GBX1: variants seen among roughly 807,000 people sequenced by gnomAD.
GBX1 encodes gastrulation brain homeobox 1.
In GBX1, 9 loss-of-function variants were observed where a neutral mutation model predicts 22.9. That is an observed-to-expected ratio of 0.39 (90% CI 0.24 to 0.69). The LOEUF is 0.69. Ranked by LOEUF, GBX1 falls within the 30% of genes least tolerant of loss-of-function variation. The pLI is 0.43. For synonymous variants in GBX1, 203 were observed against 227.3 expected (o/e 0.89, Z 0.96); for missense variants, 494 against 509.2 (o/e 0.97, Z 0.29).
chr7:151,157,552 C>A (rs1165943135), intron 1 of GBX1, among the ~76,000 whole-genome samples: 1 of 152,176 alleles, frequency 6.6e-6, no homozygotes, highest in African/African-American at 2.4e-5. Flanking sequence ...GATTTCCTTT[C>A]AGTATTTCTT....
At chr7:151,159,676 C>A (rs910898799) in intron 1 of GBX1, among the ~76,000 whole-genome samples, 2 of 152,092 alleles carry the variant, frequency 1.3e-5, no homozygotes, top group African/African-American at 4.8e-5. Context: ...CATACTAGGA[C>A]GAGACTGAAT....
chr7:151,153,602 CAGTAG>C (rs1801103017), intron 1 of GBX1, among the ~76,000 whole-genome samples: 2 of 151,350 alleles, frequency 1.3e-5, no homozygotes, highest in Admixed American at 1.3e-4. Context: ...GACTGGAATG[CAGTAG>C]AGTAATCATA....
At chr7:151,153,362 G>A (rs896551990) in intron 1 of GBX1, among the ~76,000 whole-genome samples, 3 of 152,190 alleles carry the variant, frequency 2.0e-5, no homozygotes, top group Non-Finnish European at 4.4e-5. Context: ...GGCAGAGAAA[G>A]AGAATGAGCA....
chr7:151,153,214 T>G (rs947292175), intron 1 of GBX1, among the ~76,000 whole-genome samples: 1 of 152,220 alleles, frequency 6.6e-6, no homozygotes, highest in African/African-American at 2.4e-5. Context: ...CAAAAGGTAC[T>G]TTTTAAGAAA....
At chr7:151,159,987 A>C (rs1238333889) in intron 1 of GBX1, among the ~76,000 whole-genome samples, 3 of 152,164 alleles carry the variant, frequency 2.0e-5, no homozygotes, top group African/African-American at 4.8e-5. Context: ...CTCAAGATGC[A>C]TGCATCTTAC....
At chr7:151,150,000 A>C (rs1220137140) in intron 1 of GBX1, 2 of 455,332 alleles carry the variant, frequency 4.4e-6, no homozygotes, top group Non-Finnish European at 8.8e-6. Context: ...GAGGCCCCTA[A>C]GCTTGATGTC....
intron 1 of GBX1, among the ~76,000 whole-genome samples, chr7:151,166,181 CTCTA>C (rs1801247671): frequency 6.6e-6 from 1 of 152,142 alleles, no homozygotes; most frequent in Non-Finnish European, 1.5e-5. Flanking sequence ...ATTGAATGGA[CTCTA>C]AACAAGGTTC....
At chr7:151,155,445 C>A (rs1418538297) in intron 1 of GBX1, among the ~76,000 whole-genome samples, 1 of 152,202 alleles carries the variant, frequency 6.6e-6, no homozygotes, top group Admixed American at 6.5e-5. Context: ...AGTTCACTCT[C>A]AGTTTATTTT....
At chr7:151,164,235 T>C (rs1801225059) in intron 1 of GBX1, among the ~76,000 whole-genome samples, 1 of 152,254 alleles carries the variant, frequency 6.6e-6, no homozygotes, top group South Asian at 2.1e-4. Context: ...TTTTAAAGAT[T>C]GCATTATTTC....
rs534636208 is a variant in GBX1, at chr7:151,155,794, T to C, written c.539-6652A>G. On this transcript the variant is annotated intron_variant, in intron 1 of 1. Coordinates refer to ENST00000297537, the MANE Select transcript of GBX1 (RefSeq NM_001098834.3). ...CATTTACTATCTTATCTTCAAGCAG[T>C]TGACTGACGTAGAGCAGATCTATTA... Among the ~76,000 whole-genome samples, 19 of 152,272 alleles carry C rather than the reference T, an allele frequency of 1.2e-4. No homozygotes were observed. In the South Asian group the frequency reaches 3.7e-3, roughly 30 times the overall value.
At chr7:151,165,842 TAATC>T (rs2150551446) in intron 1 of GBX1, among the ~76,000 whole-genome samples, 1 of 152,318 alleles carries the variant, frequency 6.6e-6, no homozygotes, top group Admixed American at 6.5e-5. Context: ...CCATAACTGA[TAATC>T]AAGAATTATC....
intron 1 of GBX1, 92 bp downstream of exon 1, chr7:151,166,919 G>A: frequency 2.3e-6 from 3 of 1,283,924 alleles, no homozygotes; most frequent in South Asian, 2.5e-5. Flanking sequence ...GCTCCAGGCA[G>A]GTGCCGAGGT....
chr7:151,161,260 T>C (rs576975577), intron 1 of GBX1, among the ~76,000 whole-genome samples: 1 of 152,300 alleles, frequency 6.6e-6, no homozygotes. Flanking sequence ...TGCCTGCCAC[T>C]CCAAGTATAA....
chr7:151,151,758 A>G (rs1027703873), intron 1 of GBX1, among the ~76,000 whole-genome samples: 1 of 152,132 alleles, frequency 6.6e-6, no homozygotes, highest in Non-Finnish European at 1.5e-5. Context: ...CAACTAGTCC[A>G]CATCACAATT....
chr7:151,151,860 G>A (rs1801083668), intron 1 of GBX1, among the ~76,000 whole-genome samples: 1 of 151,994 alleles, frequency 6.6e-6, no homozygotes, highest in African/African-American at 2.4e-5. Context: ...TTTCTGTCTG[G>A]AATACACTAC....
At position 151,154,166 on chromosome 7, in the gene GBX1, G is replaced by A. The variant is rs527365617; in HGVS notation, c.539-5024C>T. On this transcript the variant is annotated intron_variant, in intron 1 of 1. Coordinates refer to ENST00000297537, the MANE Select transcript of GBX1 (RefSeq NM_001098834.3). Reference sequence around the variant, plus strand: ...GGCAGGATTGCAGTGAGCAGAGAGCGCGCCACTGCACTCCAGCCTGGGCGA... The same window carrying A: ...GGCAGGATTGCAGTGAGCAGAGAGCACGCCACTGCACTCCAGCCTGGGCGA... Among the ~76,000 whole-genome samples the A allele has an allele frequency of 6.6e-5, 10 of 152,074 alleles. No homozygotes were observed. In the South Asian group the frequency reaches 1.0e-3, roughly 16 times the overall value.
intron 1 of GBX1, among the ~76,000 whole-genome samples, chr7:151,156,520 T>C (rs1801137444): frequency 6.6e-6 from 1 of 151,118 alleles, no homozygotes; most frequent in Non-Finnish European, 1.5e-5. Flanking sequence ...TCAGAGAAGA[T>C]TCTTAAAATT....
chr7:151,149,450 C>T (rs1219119867), intron 1 of GBX1, among the ~76,000 whole-genome samples: 1 of 151,654 alleles, frequency 6.6e-6, no homozygotes, highest in Non-Finnish European at 1.5e-5. Context: ...TTCCCCACCA[C>T]CCCCATCTCA....
intron 1 of GBX1, among the ~76,000 whole-genome samples, chr7:151,159,588 C>A (rs1013523034): frequency 2.6e-5 from 4 of 152,152 alleles, no homozygotes; most frequent in African/African-American, 9.7e-5. Context: ...CTATGTTATA[C>A]CAGGCTGATC....
Sources: allele counts gnomAD v4.1 joint callset (sites outside exome capture counted in the v4.1 genomes callset), GRCh38; gene constraint gnomAD v4.1.1; transcripts MANE v1.5; gene names NCBI Gene and HGNC (gene_info 2026-07-23, HGNC 2026-07-21).